Variants in SMPDL3A observed in about 807,000 individuals in gnomAD.
SMPDL3A encodes cyclic GMP-AMP phosphodiesterase SMPDL3A.
Under a neutral mutation model 38.5 loss-of-function variants are expected in SMPDL3A, and 39 were observed. The observed-to-expected ratio is 1.01, with a 90% CI of 0.78 to 1.32. The LOEUF (loss-of-function observed/expected upper bound fraction) is 1.32. Ranked by LOEUF, SMPDL3A falls within the 40% of genes most tolerant of loss-of-function variation. The pLI, the probability that SMPDL3A is intolerant of heterozygous loss-of-function variation, is 0.00. For missense variants in SMPDL3A, 502 were observed against 536.2 expected (o/e 0.94, Z 0.63); for synonymous variants, 180 against 194.3 (o/e 0.93, Z 0.61).
intron 4 of SMPDL3A, among the ~76,000 whole-genome samples, chr6:122,802,408 G>T (rs543857152): frequency 1.3e-5 from 2 of 152,000 alleles, no homozygotes; most frequent in Non-Finnish European, 2.9e-5. Flanking sequence ...CACTATGTTG[G>T]TCAGGCTGGT....
At chr6:122,808,967 T>C in intron 7 of SMPDL3A, 124 bp from the exon 8 acceptor site, 1 of 755,924 alleles carries the variant, frequency 1.3e-6, no homozygotes, top group Non-Finnish European at 2.2e-6. Context: ...GTGCTAGGAT[T>C]ACAGGCGTGA....
chr6:122,789,718 C>A, intron 1 of SMPDL3A: 1 of 611,404 alleles, frequency 1.6e-6, no homozygotes, highest in Non-Finnish European at 2.0e-6. Context: ...TCCAAGGGCG[C>A]GTCGGCCGGA....
At chr6:122,803,860 G>T in intron 5 of SMPDL3A, 27 bp downstream of exon 5, 1 of 1,593,708 alleles carries the variant, frequency 6.3e-7, no homozygotes, top group South Asian at 1.1e-5. Flanking sequence ...AAAACCATCT[G>T]GGAATAAACG....
At chr6:122,808,609 C>CCTTCCTTCCTTCCTTCCTTCCTT (rs1562357722) in intron 7 of SMPDL3A, among the ~76,000 whole-genome samples, 57 of 44,366 alleles carry the variant, frequency 1.3e-3, no homozygotes, top group African/African-American at 4.8e-3. Flanking sequence ...CTCCCTCCCT[C>CCTTCCTTCCTTCCTTCCTTCCTT]CCTTCCTTCC....
chr6:122,800,938 A>G (rs986320683), intron 3 of SMPDL3A, among the ~76,000 whole-genome samples: 5 of 152,078 alleles, frequency 3.3e-5, no homozygotes, highest in Non-Finnish European at 5.9e-5. Flanking sequence ...TGTAGTAGAG[A>G]TGGGGTTTCA....
At chr6:122,800,230 A>G (rs1345728589) in intron 3 of SMPDL3A, among the ~76,000 whole-genome samples, 1 of 152,182 alleles carries the variant, frequency 6.6e-6, no homozygotes, top group Non-Finnish European at 1.5e-5. Context: ...TCCTGAAGAT[A>G]CTTTATGATA....
chr6:122,804,067 A>G (rs1781517973), intron 5 of SMPDL3A, among the ~76,000 whole-genome samples: 1 of 151,004 alleles, frequency 6.6e-6, no homozygotes. Flanking sequence ...GGCTCACTGC[A>G]ACCTCTACCT....
intron 4 of SMPDL3A, among the ~76,000 whole-genome samples, chr6:122,802,837 C>T (rs986769629): frequency 9.9e-5 from 15 of 152,106 alleles, no homozygotes; most frequent in African/African-American, 3.1e-4. Context: ...GCATGAGGGG[C>T]CTCAAACTTT....
At chr6:122,805,829 G>C (rs1490469350) in intron 6 of SMPDL3A, among the ~76,000 whole-genome samples, 3 of 152,178 alleles carry the variant, frequency 2.0e-5, no homozygotes, top group Admixed American at 2.0e-4. Flanking sequence ...TCTTGACCTA[G>C]TGATCTGCCC....
chr6:122,801,375 A>T lies in SMPDL3A; in HGVS notation c.537A>T (p.Leu179=), dbSNP rs777734790. The part of the protein sequence containing the change: ...NAVANLWKPW[L]DEEAISTLRK... ...TAGCAAACCTCTGGAAACCATGGCT[A>T]GATGAAGAAGCTATTAGTACTTTAA... is the stretch of plus-strand genomic sequence containing the variant. The change falls in exon 4 of 8, where the codon CTA becomes CTT. Residue 179 remains leucine (L), a synonymous_variant. Transcript: ENST00000368440. The T allele has an allele frequency of 1.9e-5, 31 of 1,612,240 alleles. No homozygotes were observed. The highest frequency in any genetic ancestry group is 2.4e-5 in the Non-Finnish European group (28 of 1,178,378).
At chr6:122,790,958 G>T (rs994522239) in intron 1 of SMPDL3A, among the ~76,000 whole-genome samples, 9 of 152,168 alleles carry the variant, frequency 5.9e-5, no homozygotes, top group Non-Finnish European at 1.3e-4. Context: ...GGTCTGAAGT[G>T]TTACTGGAGT....
In SMPDL3A at chr6:122,795,751, G is replaced by A; in HGVS notation, c.187G>A (p.Ala63Thr). 6.2e-7 allele frequency: 1 copy of A among 1,614,126 alleles called. No homozygotes were observed. The highest frequency in any genetic ancestry group is 8.5e-7 in the Non-Finnish European group (1 of 1,180,000). The change falls in exon 2 of 8, where the codon GCT becomes ACT. Residue 63 changes from alanine (A) to threonine (T), a missense_variant. Coordinates refer to ENST00000368440, the MANE Select transcript of SMPDL3A (RefSeq NM_006714.5). ...HITDDHTKVCASSKGANASNP... is the reference protein window; with the variant it reads ...HITDDHTKVCTSSKGANASNP... ...CACAGATGACCACACAAAAGTGTGT[G>A]CTTCATCTAAAGGTGCAAATGCCTC...
chr6:122,801,410 A>G lies in SMPDL3A; in HGVS notation c.568+4A>G. The G allele has an allele frequency of 6.4e-7, 1 of 1,570,658 alleles. No homozygotes were observed. Among genetic ancestry groups the G allele is most frequent in the Non-Finnish European group, 8.8e-7 (1 of 1,141,014 alleles). ...GCTATTAGTACTTTAAGGAAAGGTAAGTGAAAGACTTAGTTATTCCTATTT... is the reference window on the plus strand; with the variant it reads ...GCTATTAGTACTTTAAGGAAAGGTAGGTGAAAGACTTAGTTATTCCTATTT... On this transcript the variant is annotated splice_donor_region_variant and intron_variant, in intron 4 of 7. Coordinates refer to ENST00000368440, the MANE Select transcript of SMPDL3A (RefSeq NM_006714.5).
intron 7 of SMPDL3A, among the ~76,000 whole-genome samples, 156 bp from the exon 8 acceptor site, chr6:122,808,935 C>T (rs1013321981): frequency 1.3e-5 from 2 of 151,966 alleles, no homozygotes; most frequent in Non-Finnish European, 2.9e-5. Flanking sequence ...CTCAGGTAAC[C>T]CACCTGCCTC....
chr6:122,795,730 G>C lies in SMPDL3A; in HGVS notation c.166G>C (p.Asp56His). 6.2e-7 allele frequency: 1 copy of C among 1,614,148 alleles called. No homozygotes were observed. The highest frequency in any genetic ancestry group is 8.5e-7 in the Non-Finnish European group (1 of 1,180,030). Residue 56 changes from aspartate (D) to histidine (H), a missense_variant, in exon 2 of 8, where the codon GAT (aspartate) becomes CAT (histidine). Physicochemically the swap from Asp to His is moderately conservative, Grantham distance 81. Coordinates refer to ENST00000368440, the MANE Select transcript of SMPDL3A (RefSeq NM_006714.5). ...LHLDPTYHIT[D>H]DHTKVCASSK... is the part of the protein sequence containing the mutation. ...CTTAGACCCTACTTACCACATCACA[G>C]ATGACCACACAAAAGTGTGTGCTTC...
At chr6:122,789,722 G>C (rs1313280947) in intron 1 of SMPDL3A, 3 of 657,168 alleles carry the variant, frequency 4.6e-6, no homozygotes, top group Non-Finnish European at 5.7e-6. Flanking sequence ...AGGGCGCGTC[G>C]GCCGGATTTC....
At position 122,789,499 on chromosome 6, in the gene SMPDL3A, G is replaced by A. The variant is rs1352880442; in HGVS notation, c.112+41G>A. The A allele has an allele frequency of 2.0e-6, 3 of 1,489,326 alleles. No homozygotes were observed. The African/African-American group carries it at 4.2e-5, about 21-fold the overall frequency. The allele number at this position is 1,489,326 out of a possible 1,614,324, so 92.3% of individuals were successfully genotyped here. On this transcript the variant is annotated intron_variant, in intron 1 of 7. Coordinates refer to ENST00000368440, the MANE Select transcript of SMPDL3A (RefSeq NM_006714.5). ...CCCTTCTCTTCCCAGCCGGCAAAGA[G>A]CGCGGAGCGGCGGCGCCTGCGCACA...
intron 1 of SMPDL3A, among the ~76,000 whole-genome samples, chr6:122,790,820 T>A (rs934926237): frequency 8.5e-5 from 13 of 152,206 alleles, no homozygotes; most frequent in Non-Finnish European, 1.6e-4. Context: ...AATTCACCTG[T>A]GTTTTAAAGA....
At chr6:122,801,177 A>G (rs13220308) in intron 3 of SMPDL3A, 133 bp from the exon 4 acceptor site, 25 of 655,566 alleles carry the variant, frequency 3.8e-5, no homozygotes, top group Non-Finnish European at 6.5e-5. Context: ...AATTCCTTGA[A>G]GATGAAGTCT....
Sources: gnomAD v4.1 joint callset for allele counts (sites outside exome capture counted in the v4.1 genomes callset) on GRCh38, gnomAD v4.1.1 for gene constraint, MANE v1.5 for transcripts, NCBI Gene and HGNC (gene_info 2026-07-23, HGNC 2026-07-21) for gene names.